Variants in RET observed in about 807,000 individuals in gnomAD.
RET encodes proto-oncogene tyrosine-protein kinase receptor Ret.
In RET, 19 loss-of-function variants were observed where a neutral mutation model predicts 118.3. The observed-to-expected ratio is 0.16, with a 90% CI of 0.11 to 0.24. The LOEUF is 0.24. RET is among the 10% of genes least tolerant of loss of function. The pLI, the probability that RET is intolerant of heterozygous loss-of-function variation, is 1.00. For missense variants in RET, 1,219 were observed against 1,502.1 expected, an observed-to-expected ratio of 0.81 and a Z score of 3.12; for synonymous variants, 597 against 644.1, an observed-to-expected ratio of 0.93 and a Z score of 1.11.
chr10:43,079,469 A>T (rs1425825123), intron 1 of RET, among the ~76,000 whole-genome samples: 2 of 152,238 alleles, frequency 1.3e-5, no homozygotes, highest in Non-Finnish European at 2.9e-5. Flanking sequence ...AGTTGCTCTT[A>T]AAGGTTTCTG....
Position 43,105,154 on chromosome 10 carries a change from C to G in RET, c.828C>G (p.Val276=), listed in dbSNP as rs876660380. The change falls in exon 4 of 20, where the codon GTC becomes GTG. Residue 276 remains valine, a synonymous_variant. Transcript: ENST00000355710. ...CGGCGCCCACCTTCCCCGCGGGCGT[C>G]GACACCGCCAGCGCCGTGGTGGAGT... is the stretch of plus-strand genomic sequence containing the variant. ...DDSAPTFPAG[V]DTASAVVEFK... The G allele has an allele frequency of 2.5e-6, 4 of 1,612,754 alleles. No individual in the cohort carries two copies. Among genetic ancestry groups the G allele is most frequent in the Non-Finnish European group, 3.4e-6 (4 of 1,179,862 alleles).
intron 1 of RET, 71 bp from the exon 2 acceptor site, chr10:43,100,386 TGA>T: frequency 7.0e-7 from 1 of 1,436,388 alleles, no homozygotes; most frequent in East Asian, 2.4e-5. Context: ...TTTAAATTAA[TGA>T]TTTTTTTTTT....
At chr10:43,125,077 G>C in intron 18 of RET, 95 bp downstream of exon 18, 11 of 1,097,024 alleles carry the variant, frequency 1.0e-5, no homozygotes, top group Non-Finnish European at 1.5e-5. Context: ...AGAGTTCCCA[G>C]TGTGGGGCCA....
At chr10:43,080,151 C>T (rs1864411) in intron 1 of RET, among the ~76,000 whole-genome samples, 57,063 of 152,130 alleles carry the variant, frequency 0.38, 10,845 homozygotes, top group South Asian at 0.42. Flanking sequence ...GATCACCTAG[C>T]GGGGAGCTAA....
At position 43,114,638 on chromosome 10, in the gene RET, G is replaced by A. The variant is rs184498773; in HGVS notation, c.2038G>A (p.Ala680Thr). Residue 680 changes from alanine (A) to threonine (T), a missense_variant, in exon 11 of 20, where the codon GCC (alanine) becomes ACC (threonine). By Grantham distance (58) the Ala-to-Thr change is moderately conservative (BLOSUM62 0). Around this residue, in one of 5 missense-constraint regions of RET, gnomAD observed 850 missense variants for 969.6 expected, o/e 0.88. Coordinates refer to ENST00000355710, the MANE Select transcript of RET (RefSeq NM_020975.6). This position sits in a 1 kb window ranked among gnomAD's most constrained non-coding sequence, Gnocchi z 4.6. ...SSAEMTFRRP[A>T]QAFPVSYSSS... is the part of the protein sequence containing the mutation. ...AGCTGAGATGACCTTCCGGAGGCCC[G>A]CCCAGGCCTTCCCGGTCAGCTACTC... 7 of 1,612,778 alleles carry A rather than the reference G, an allele frequency of 4.3e-6. No individual in the cohort carries two copies. Among genetic ancestry groups the A allele is most frequent in the African/African-American group, 2.7e-5 (2 of 74,972 alleles).
At chr10:43,119,484 C>A in intron 13 of RET, 47 bp from the exon 14 acceptor site, 1 of 1,533,664 alleles carries the variant, frequency 6.5e-7, no homozygotes, top group Admixed American at 1.9e-5. Flanking sequence ...CTGGAAGACC[C>A]AAGCTGCCTG....
At position 43,114,651 on chromosome 10, in the gene RET, C is replaced by G. The variant is rs760088950; in HGVS notation, c.2051C>G (p.Pro684Arg). 1.2e-6 allele frequency: 2 copies of G among 1,613,008 alleles called. No homozygotes were observed. The highest frequency in any genetic ancestry group is 1.3e-5 in the African/African-American group (1 of 75,042). ...MTFRRPAQAF[P>R]VSYSSSGARR... Reference sequence around the variant, plus strand: ...TTCCGGAGGCCCGCCCAGGCCTTCCCGGTCAGCTACTCCTCTTCCGGTGCC... The same window carrying G: ...TTCCGGAGGCCCGCCCAGGCCTTCCGGGTCAGCTACTCCTCTTCCGGTGCC... Residue 684 changes from proline to arginine, a missense_variant, in exon 11 of 20, where the codon CCG becomes CGG. Pro to Arg is a moderately radical substitution (Grantham distance 103, BLOSUM62 -2). Coordinates refer to ENST00000355710, the MANE Select transcript of RET (RefSeq NM_020975.6). The surrounding 1 kb of genome is among the most constrained non-coding windows in gnomAD (Gnocchi z 4.6).
intron 1 of RET, among the ~76,000 whole-genome samples, chr10:43,090,374 C>T (rs1310214590): frequency 6.6e-6 from 1 of 152,172 alleles, no homozygotes; most frequent in Non-Finnish European, 1.5e-5. Flanking sequence ...TGGCACTGGG[C>T]TCGTGTGAGG....
At chr10:43,099,325 C>T (rs976199048) in intron 1 of RET, among the ~76,000 whole-genome samples, 2 of 152,048 alleles carry the variant, frequency 1.3e-5, no homozygotes, top group Non-Finnish European at 2.9e-5. Context: ...GCCTGACCAA[C>T]ATGGAGAAAC....
In RET at chr10:43,106,848, C is replaced by A. The variant is rs1564492353; in HGVS notation, c.1063+277C>A. Among the ~76,000 whole-genome samples the A allele has an allele frequency of 6.6e-6, 1 of 152,204 alleles. No homozygotes were observed. The highest frequency in any genetic ancestry group is 1.9e-4 in the East Asian group (1 of 5,188). On this transcript the variant is annotated intron_variant, in intron 5 of 19. Coordinates refer to ENST00000355710, the MANE Select transcript of RET (RefSeq NM_020975.6). The surrounding 1 kb of genome is among the most constrained non-coding windows in gnomAD (Gnocchi z 5.1). ...CACCCCCCTGCTGACCTCACCAGGG[C>A]TCACCACCGACTGCAAACACACATG...
Position 43,124,993 on chromosome 10 carries a change from G to T in RET, c.3039+11G>T, listed in dbSNP as rs764658650. Reference sequence around the variant, plus strand: ...ATGGTTAAGAGGAGAGTGAGTGCCTGGGTCCAATTCCCACAAGCTGAAAGT... The same window carrying T: ...ATGGTTAAGAGGAGAGTGAGTGCCTTGGTCCAATTCCCACAAGCTGAAAGT... On this transcript the variant is annotated intron_variant, in intron 18 of 19. Transcript: ENST00000355710. 3.1e-6 allele frequency: 5 copies of T among 1,613,296 alleles called. No homozygotes were observed. Among genetic ancestry groups the T allele is most frequent in the Non-Finnish European group, 4.2e-6 (5 of 1,179,390 alleles).
intron 11 of RET, among the ~76,000 whole-genome samples, chr10:43,115,517 C>T (rs1357840954): frequency 6.6e-6 from 1 of 152,244 alleles, no homozygotes; most frequent in Admixed American, 6.5e-5. Flanking sequence ...ACCAGCTTTC[C>T]TAATTGGTGG....
chr10:43,108,713 C>G (rs1366962892), intron 5 of RET, among the ~76,000 whole-genome samples: 1 of 152,142 alleles, frequency 6.6e-6, no homozygotes, highest in Non-Finnish European at 1.5e-5. Flanking sequence ...GCATACTACA[C>G]ACTTACACAT....
intron 15 of RET, 88 bp from the exon 16 acceptor site, chr10:43,121,858 C>T: frequency 1.0e-6 from 1 of 982,400 alleles, no homozygotes; most frequent in Non-Finnish European, 1.7e-6. Flanking sequence ...TTACTGAAAG[C>T]TCAGGGATAG....
intron 18 of RET, 89 bp from the exon 19 acceptor site, chr10:43,126,486 G>A: frequency 8.5e-7 from 1 of 1,170,600 alleles, no homozygotes; most frequent in South Asian, 1.2e-5. Context: ...CACAGCCAGA[G>A]CCTCTGCCCT....
At chr10:43,090,572 G>A (rs1837389876) in intron 1 of RET, among the ~76,000 whole-genome samples, 1 of 152,128 alleles carries the variant, frequency 6.6e-6, no homozygotes, top group East Asian at 1.9e-4. Context: ...AGGGCCACAT[G>A]CGTGCACCAT....
intron 15 of RET, among the ~76,000 whole-genome samples, chr10:43,121,086 G>GT (rs1564499654): frequency 6.6e-6 from 1 of 152,210 alleles, no homozygotes; most frequent in Non-Finnish European, 1.5e-5. Context: ...CAGAACTGCT[G>GT]TGGGGGGAAG....
At chr10:43,102,251 T>G in intron 2 of RET, 91 bp from the exon 3 acceptor site, 1 of 1,526,498 alleles carries the variant, frequency 6.6e-7, no homozygotes, top group Non-Finnish European at 9.0e-7. Context: ...GACCAGGGTT[T>G]ACACCAGCCC....
chr10:43,097,343 G>A (rs993992715), intron 1 of RET, among the ~76,000 whole-genome samples: 5 of 152,150 alleles, frequency 3.3e-5, no homozygotes, highest in East Asian at 1.9e-4. Context: ...GCCACCCCAC[G>A]GCCACCCAAG....
Sources: gnomAD v4.1 joint callset for allele counts (sites outside exome capture counted in the v4.1 genomes callset) on GRCh38, gnomAD v4.1.1 for gene constraint, gnomAD v4.1.1 regional missense constraint, Gnocchi (gnomAD v3.1) non-coding constraint, MANE v1.5 for transcripts, NCBI Gene and HGNC (gene_info 2026-07-23, HGNC 2026-07-21) for gene names.